The following RSPH4A variants were observed in gnomAD, a reference collection of about 807,000 sequenced individuals.
RSPH4A encodes radial spoke head component 4A, also known as radial spoke head protein 4 homolog A.
Under a neutral mutation model 71.0 loss-of-function variants are expected in RSPH4A, and 47 were observed. That is an observed-to-expected ratio of 0.66 (90% CI 0.52 to 0.84). The LOEUF is 0.84. Among genes scored for constraint, RSPH4A ranks in the 40% least tolerant of loss-of-function variants. The probability of loss-of-function intolerance (pLI) is 0.00; values close to 1 mark genes in which losing one functional copy is unlikely to be tolerated. For missense variants in RSPH4A, 793 were observed against 855.2 expected (o/e 0.93, Z 0.91); for synonymous variants, 282 against 302.3 (o/e 0.93, Z 0.70).
rs1775794851 is a variant in RSPH4A at position 116,630,930 on chromosome 6, C to G, written c.1916+378C>G. Among the ~76,000 whole-genome samples the G allele has an allele frequency of 2.8e-5, 4 of 144,580 alleles. No homozygotes were observed. The South Asian group carries it at 8.8e-4, about 32-fold the overall frequency. The allele number at this position is 144,580 out of a possible 152,430, so 94.9% of individuals were successfully genotyped here. A position where few individuals can be genotyped will look rare whatever the true frequency, so the allele number is the denominator to read the frequency against. Reference sequence around the variant, plus strand: ...GGTCTTGAACTCCTAATCTCATGATCCGCCCCGCCTCAGCATCCCAAAGTG... The same window carrying G: ...GGTCTTGAACTCCTAATCTCATGATGCGCCCCGCCTCAGCATCCCAAAGTG... On this transcript the variant is annotated intron_variant, in intron 5 of 5. Transcript: ENST00000229554.
intron 1 of RSPH4A, among the ~76,000 whole-genome samples, chr6:116,621,788 G>A (rs978091362): frequency 6.6e-6 from 1 of 152,122 alleles, no homozygotes; most frequent in Non-Finnish European, 1.5e-5. Context: ...TAGAAACAAA[G>A]TTGGAGAGAT....
intron 2 of RSPH4A, among the ~76,000 whole-genome samples, chr6:116,626,339 GTTTC>G (rs975936538): frequency 3.9e-5 from 6 of 152,138 alleles, no homozygotes; most frequent in African/African-American, 1.4e-4. Context: ...TCACAAATGT[GTTTC>G]TTTTTTTCTT....
At chr6:116,625,537 T>C (rs145394656) in intron 2 of RSPH4A, among the ~76,000 whole-genome samples, 176 of 150,266 alleles carry the variant, frequency 1.2e-3, no homozygotes, top group African/African-American at 4.2e-3. Flanking sequence ...ACTCTGATCA[T>C]AATATGAAAG....
chr6:116,627,363 C>G (rs1775713368), intron 2 of RSPH4A, among the ~76,000 whole-genome samples: 2 of 152,112 alleles, frequency 1.3e-5, no homozygotes, highest in Non-Finnish European at 2.9e-5. Context: ...CCATGTCCAG[C>G]TAACTTTTGT....
In RSPH4A at chr6:116,628,200, G is replaced by C. The variant is rs745412447; in HGVS notation, c.1493G>C (p.Ser498Thr). The C allele has an allele frequency of 6.2e-7, 1 of 1,614,142 alleles. No individual in the cohort carries two copies. The highest frequency in any genetic ancestry group is 8.5e-7 in the Non-Finnish European group (1 of 1,180,024). ...IARISAGTHV[S>T]PLGFYQFGEE... ...CGAATTTCAGCAGGAACCCACGTCAGTCCTCTAGGATTTTATCAGTTTGGT... is the reference window on the plus strand; with the variant it reads ...CGAATTTCAGCAGGAACCCACGTCACTCCTCTAGGATTTTATCAGTTTGGT... Residue 498 changes from serine (S) to threonine (T), a missense_variant, in exon 3 of 6, where the codon AGT becomes ACT. Physicochemically the swap from Ser to Thr is moderately conservative, Grantham distance 58. Coordinates refer to ENST00000229554, the MANE Select transcript of RSPH4A (RefSeq NM_001010892.3).
chr6:116,629,225 A>G (rs1392171690), intron 3 of RSPH4A, among the ~76,000 whole-genome samples: 1 of 152,232 alleles, frequency 6.6e-6, no homozygotes. Flanking sequence ...AATAATCATC[A>G]TAATAGCTTT....
rs373498004 is a variant in RSPH4A at position 116,621,803 on chromosome 6, T to C, written c.687-965T>C. On this transcript the variant is annotated intron_variant, in intron 1 of 5. Coordinates refer to ENST00000229554, the MANE Select transcript of RSPH4A (RefSeq NM_001010892.3). Reference sequence around the variant, plus strand: ...TAGAAACAAAGTTGGAGAGATACGATGCGTATCCACCAGAGAAGCAATTTA... The same window carrying C: ...TAGAAACAAAGTTGGAGAGATACGACGCGTATCCACCAGAGAAGCAATTTA... Among the ~76,000 whole-genome samples, 5 of 152,346 alleles carry C rather than the reference T, an allele frequency of 3.3e-5. No homozygotes were observed. The East Asian group carries it at 5.8e-4, about 18-fold the overall frequency.
chr6:116,630,405 TA>T (rs1775774825), intron 4 of RSPH4A, 29 bp from the exon 5 acceptor site: 2 of 1,165,058 alleles, frequency 1.7e-6, no homozygotes, highest in Admixed American at 3.4e-5. Context: ...AGTTAGGAAT[TA>T]AGCTTTTGCA....
Position 116,617,026 on chromosome 6 carries a change from A to G in RSPH4A, c.403A>G (p.Arg135Gly), listed in dbSNP as rs1292455050. ...PDPLEQSSDK[R>G]ESTPHHTSQS... ...TCCTTTGGAACAATCATCTGATAAAAGAGAATCAACTCCTCATCACACAAG... is the reference window on the plus strand; with the variant it reads ...TCCTTTGGAACAATCATCTGATAAAGGAGAATCAACTCCTCATCACACAAG... The change falls in exon 1 of 6, where the codon AGA becomes GGA. Residue 135 changes from arginine to glycine, a missense_variant. Arg to Gly is a moderately radical substitution (Grantham distance 125). Transcript: ENST00000229554. 4 of 1,614,236 alleles carry G rather than the reference A, an allele frequency of 2.5e-6. No individual in the cohort carries two copies. The South Asian group carries it at 4.4e-5, about 18-fold the overall frequency.
chr6:116,621,075 T>C (rs1205176267), intron 1 of RSPH4A, among the ~76,000 whole-genome samples: 1 of 152,084 alleles, frequency 6.6e-6, no homozygotes, highest in Non-Finnish European at 1.5e-5. Context: ...GCCAGGCTGG[T>C]CTCAAACTCC....
chr6:116,616,802 C>T lies in RSPH4A; in HGVS notation c.179C>T (p.Pro60Leu). 3 of 1,614,146 alleles carry T rather than the reference C, an allele frequency of 1.9e-6. No individual in the cohort carries two copies. The highest frequency in any genetic ancestry group is 2.5e-6 in the Non-Finnish European group (3 of 1,180,012). ...GGACGCCAGTCCCGAAGCAGCCGTC[C>T]TTGGAGCCCGCAGTCTAGAGCCAAG... ...ETGRQSRSSR[P>L]WSPQSRAKTP... Residue 60 changes from proline to leucine, a missense_variant, in exon 1 of 6, where the codon CCT becomes CTT. Pro to Leu is a moderately conservative substitution (Grantham distance 98). Coordinates refer to ENST00000229554, the MANE Select transcript of RSPH4A (RefSeq NM_001010892.3).
intron 2 of RSPH4A, among the ~76,000 whole-genome samples, chr6:116,624,923 C>T (rs1437994930): frequency 6.6e-6 from 1 of 152,128 alleles, no homozygotes; most frequent in Non-Finnish European, 1.5e-5. Flanking sequence ...TTGATTAGTG[C>T]AATAAAGAGA....
At position 116,616,859 on chromosome 6, in the gene RSPH4A, C is replaced by T. The variant is rs1775512553; in HGVS notation, c.236C>T (p.Thr79Ile). 6.2e-7 allele frequency: 1 copy of T among 1,614,156 alleles called. No individual in the cohort carries two copies. Among genetic ancestry groups the T allele is most frequent in the East Asian group, 2.2e-5 (1 of 44,870 alleles). The change falls in exon 1 of 6, where the codon ACA (threonine) becomes ATA (isoleucine). Residue 79 changes from threonine to isoleucine, a missense_variant. By Grantham distance (89) the Thr-to-Ile change is moderately conservative. Transcript: ENST00000229554. ...TPLGGPAGPE[T>I]SSPAPVSPRE... Reference sequence around the variant, plus strand: ...CTGGGTGGCCCCGCGGGACCAGAAACATCATCACCTGCTCCTGTCTCTCCG... The same window carrying T: ...CTGGGTGGCCCCGCGGGACCAGAAATATCATCACCTGCTCCTGTCTCTCCG...
At chr6:116,626,583 C>T (rs1422960544) in intron 2 of RSPH4A, among the ~76,000 whole-genome samples, 1 of 152,160 alleles carries the variant, frequency 6.6e-6, no homozygotes. Flanking sequence ...CCTTGTGATC[C>T]ACCTGGCTCG....
chr6:116,630,972 G>C (rs2115366799), intron 5 of RSPH4A, among the ~76,000 whole-genome samples: 1 of 147,276 alleles, frequency 6.8e-6, no homozygotes, highest in Non-Finnish European at 1.5e-5. Context: ...TTACATGTTT[G>C]AGCCACCATG....
intron 1 of RSPH4A, 125 bp from the exon 2 acceptor site, chr6:116,622,642 TA>T: frequency 9.1e-6 from 6 of 658,632 alleles, no homozygotes; most frequent in Non-Finnish European, 1.6e-5. Context: ...CTAAGCTATA[TA>T]TTTTGTTTTT....
At chr6:116,629,519 T>G in intron 3 of RSPH4A, 48 bp from the exon 4 acceptor site, 1 of 1,598,774 alleles carries the variant, frequency 6.3e-7, no homozygotes, top group Non-Finnish European at 8.6e-7. Context: ...TAATCTGAAA[T>G]TTTAAGGTCC....
Position 116,616,913 on chromosome 6 carries a change from T to C in RSPH4A, c.290T>C (p.Leu97Pro), listed in dbSNP as rs1346293347. The C allele has an allele frequency of 5.0e-6, 8 of 1,614,194 alleles. No individual in the cohort carries two copies. Among genetic ancestry groups the C allele is most frequent in the Non-Finnish European group, 6.8e-6 (8 of 1,180,032 alleles). ...PREPSSSPSP[L>P]APARQDLAAP... is the part of the protein sequence containing the mutation. ...GAGCCCTCTTCCTCTCCTTCTCCCC[T>C]GGCTCCGGCCAGACAAGACCTCGCG... The change falls in exon 1 of 6, where the codon CTG becomes CCG. Residue 97 changes from leucine to proline, a missense_variant. Leu to Pro is a moderately conservative substitution (Grantham distance 98, BLOSUM62 -3). Transcript: ENST00000229554.
rs1272896337 is a variant in RSPH4A at position 116,629,550 on chromosome 6, G to A, written c.1663-17G>A. ...GGTCCCCATTAGACTACTAAATCTT[G>A]CAACATTCATTCCCAGGGTCGCTGT... On this transcript the variant is annotated splice_polypyrimidine_tract_variant and intron_variant, in intron 3 of 5. Coordinates refer to ENST00000229554, the MANE Select transcript of RSPH4A (RefSeq NM_001010892.3). 6.2e-7 allele frequency: 1 copy of A among 1,611,812 alleles called. No individual in the cohort carries two copies. The highest frequency in any genetic ancestry group is 1.7e-5 in the Admixed American group (1 of 60,012).
Sources: gnomAD v4.1 joint callset for allele counts (sites outside exome capture counted in the v4.1 genomes callset) on GRCh38, gnomAD v4.1.1 for gene constraint, MANE v1.5 for transcripts, NCBI Gene and HGNC (gene_info 2026-07-23, HGNC 2026-07-21) for gene names.